DNAH8: variants seen among roughly 807,000 people sequenced by gnomAD.
The protein encoded by DNAH8 is dynein axonemal heavy chain 8, also known as axonemal beta dynein heavy chain 8.
Under a neutral mutation model 562.1 loss-of-function variants are expected in DNAH8, and 382 were observed. That is an observed-to-expected ratio of 0.68 (90% CI 0.63 to 0.74). DNAH8 has a LOEUF of 0.74. Ranked by LOEUF, DNAH8 falls within the 30% of genes least tolerant of loss-of-function variation. DNAH8 has a pLI of 0.00. For missense variants in DNAH8, 5,203 were observed against 5,620.4 expected (o/e 0.93, Z 2.37); for synonymous variants, 1,881 against 1,919.4 (o/e 0.98, Z 0.52).
chr6:38,947,930 T>G (rs1583431924), intron 80 of DNAH8, among the ~76,000 whole-genome samples: 1 of 152,046 alleles, frequency 6.6e-6, no homozygotes, highest in African/African-American at 2.4e-5. Flanking sequence ...TGTATTTTAG[T>G]AGGGACGGAG....
intron 19 of DNAH8, 145 bp from the exon 20 acceptor site, chr6:38,790,144 T>C (rs1310059696): frequency 7.3e-6 from 5 of 688,516 alleles, no homozygotes; most frequent in Non-Finnish European, 1.3e-5. Context: ...TGGTTAAAAA[T>C]AAAAAGTCAT....
intron 3 of DNAH8, among the ~76,000 whole-genome samples, chr6:38,723,712 C>A (rs2127565918): frequency 6.6e-6 from 1 of 151,800 alleles, no homozygotes; most frequent in South Asian, 2.1e-4. Flanking sequence ...CCTGTCTCTG[C>A]AAAAAATACA....
Position 38,828,270 on chromosome 6 carries a change from C to T in DNAH8, c.4170C>T (p.Asn1390=). The T allele has an allele frequency of 1.3e-6, 2 of 1,573,420 alleles. No individual in the cohort carries two copies. The highest frequency in any genetic ancestry group is 1.7e-6 in the Non-Finnish European group (2 of 1,159,678). Residue 1390 remains asparagine (N), a synonymous_variant, in exon 30 of 93, where the codon AAC becomes AAT. Coordinates refer to ENST00000327475, the MANE Select transcript of DNAH8 (RefSeq NM_001206927.2). ...TTGATACCTTAAGATATTCTTTCAA[C>T]AAATTGCAGAGCAAAGCTGTAAGTA... The part of the protein sequence containing the change: ...EAVDTLRYSF[N]KLQSKAVSVQ...
At chr6:38,884,126 C>A in intron 56 of DNAH8, 128 bp downstream of exon 56, 1 of 480,142 alleles carries the variant, frequency 2.1e-6, no homozygotes, top group Non-Finnish European at 3.0e-6. Context: ...AATCCTCAGT[C>A]TTTTTCTGAC....
intron 82 of DNAH8, among the ~76,000 whole-genome samples, chr6:38,961,091 A>G (rs1300928580): frequency 6.6e-6 from 1 of 152,048 alleles, no homozygotes; most frequent in Non-Finnish European, 1.5e-5. Flanking sequence ...GCATAGAATG[A>G]CAAATACCAC....
At chr6:38,811,091 T>C (rs1771753090) in intron 24 of DNAH8, among the ~76,000 whole-genome samples, 1 of 152,238 alleles carries the variant, frequency 6.6e-6, no homozygotes, top group Admixed American at 6.5e-5. Context: ...CTTTATTTAA[T>C]CCTGCTTTGT....
At chr6:39,008,129 T>A (rs1765916252) in intron 88 of DNAH8, among the ~76,000 whole-genome samples, 1 of 151,998 alleles carries the variant, frequency 6.6e-6, no homozygotes, top group Non-Finnish European at 1.5e-5. Context: ...ACAGCACTTG[T>A]TAGAATGGGA....
intron 87 of DNAH8, 70 bp from the exon 88 acceptor site, chr6:38,989,942 C>T (rs567526821): frequency 1.2e-6 from 1 of 856,626 alleles, no homozygotes; most frequent in African/African-American, 1.7e-5. Flanking sequence ...GGTGGCCCCT[C>T]TCCTTTCTTG....
At chr6:38,902,796 C>T (rs924681821) in intron 62 of DNAH8, among the ~76,000 whole-genome samples, 5 of 152,064 alleles carry the variant, frequency 3.3e-5, no homozygotes, top group African/African-American at 1.2e-4. Flanking sequence ...TAGTAACTGA[C>T]CCAATATTCA....
chr6:38,721,237 G>A (rs62396388), intron 1 of DNAH8, among the ~76,000 whole-genome samples: 1 of 152,036 alleles, frequency 6.6e-6, no homozygotes, highest in African/African-American at 2.4e-5. Flanking sequence ...GATCACTTGA[G>A]CCCAGGAGCT....
rs1451043107 is a variant in DNAH8, at chr6:38,780,907, A to T, written c.2140-347A>T. On this transcript the variant is annotated intron_variant, in intron 15 of 92. Transcript: ENST00000327475. ...GGTGTGTGTATAGCAAAGCCCGTTTAAGTTAGTATTTTTGCCTATAGAAAT... is the reference window on the plus strand; with the variant it reads ...GGTGTGTGTATAGCAAAGCCCGTTTTAGTTAGTATTTTTGCCTATAGAAAT... 2.0e-5 allele frequency among the ~76,000 whole-genome samples: 3 copies of T among 152,210 alleles called. No individual in the cohort carries two copies. In the East Asian group the frequency reaches 5.8e-4, roughly 29 times the overall value.
At chr6:38,928,286 T>C (rs1782267549) in intron 74 of DNAH8, 1 of 152,140 alleles carries the variant, frequency 6.6e-6, no homozygotes. Context: ...TAAAAGACAT[T>C]GAAGATGACT....
At position 38,938,905 on chromosome 6, in the gene DNAH8, T is replaced by C; in HGVS notation, c.11924T>C (p.Phe3975Ser). 1 of 1,613,866 alleles carries C rather than the reference T, an allele frequency of 6.2e-7. No homozygotes were observed. Among genetic ancestry groups the C allele is most frequent in the Non-Finnish European group, 8.5e-7 (1 of 1,179,838 alleles). Residue 3975 changes from phenylalanine to serine, a missense_variant, in exon 79 of 93, where the codon TTC (phenylalanine) becomes TCC (serine). Transcript: ENST00000327475. The part of the protein sequence containing the change: ...SVRGLYENHK[F>S]LFVLLMTLKI... ...AGAGGCCTATACGAAAACCACAAAT[T>C]CCTGTTTGTACTCCTCATGACCTTA...
At chr6:38,944,762 T>C (rs987287693) in intron 79 of DNAH8, among the ~76,000 whole-genome samples, 2 of 152,220 alleles carry the variant, frequency 1.3e-5, no homozygotes, top group Non-Finnish European at 2.9e-5. Context: ...TCCCCCAGTG[T>C]CTGGAACATG....
At chr6:38,932,216 A>ACC (rs1554138884) in intron 76 of DNAH8, among the ~76,000 whole-genome samples, 16 of 145,620 alleles carry the variant, frequency 1.1e-4, no homozygotes, top group African/African-American at 2.4e-4. Flanking sequence ...ACACACACAC[A>ACC]CCCGTCTCTT....
At chr6:38,886,151 T>C (rs1778903848) in intron 56 of DNAH8, among the ~76,000 whole-genome samples, 1 of 151,868 alleles carries the variant, frequency 6.6e-6, no homozygotes, top group South Asian at 2.1e-4. Context: ...CCTGGAACAA[T>C]GAGAAGAGGA....
At chr6:38,734,283 C>A (rs1382847538) in intron 4 of DNAH8, among the ~76,000 whole-genome samples, 191 bp from the exon 5 acceptor site, 140 of 121,642 alleles carry the variant, frequency 1.2e-3, no homozygotes, top group South Asian at 3.3e-3. Flanking sequence ...GACTCTGTCT[C>A]AAAAAAAAAA....
intron 82 of DNAH8, among the ~76,000 whole-genome samples, chr6:38,953,795 A>G (rs918234901): frequency 9.9e-5 from 15 of 152,210 alleles, no homozygotes; most frequent in African/African-American, 3.6e-4. Context: ...ATAAATAATC[A>G]TAGAATGCTT....
chr6:38,840,827 AT>A (rs1277463143), intron 33 of DNAH8, among the ~76,000 whole-genome samples: 2 of 152,186 alleles, frequency 1.3e-5, no homozygotes, highest in Non-Finnish European at 2.9e-5. Flanking sequence ...TGTCTCTGGC[AT>A]TCTTTTTATA....
Sources: gnomAD v4.1 joint callset for allele counts (sites outside exome capture counted in the v4.1 genomes callset) on GRCh38, gnomAD v4.1.1 for gene constraint, MANE v1.5 for transcripts, NCBI Gene and HGNC (gene_info 2026-07-23, HGNC 2026-07-21) for gene names.